HAO1: variants seen among roughly 807,000 people sequenced by gnomAD.
The protein encoded by HAO1 is 2-Hydroxyacid oxidase 1.
A neutral mutation model predicts 39.7 loss-of-function variants in HAO1; 34 were observed. That is an observed-to-expected ratio of 0.86 (90% confidence interval 0.65 to 1.14). HAO1 has a LOEUF of 1.14. Among genes scored for constraint, HAO1 ranks in the 50% most tolerant of loss-of-function variants. The pLI is 0.00. For synonymous variants in HAO1, 172 were observed against 173.2 expected (o/e 0.99, Z 0.05); for missense variants, 479 against 464.5 (o/e 1.03, Z -0.29).
intron 1 of HAO1, among the ~76,000 whole-genome samples, chr20:7,935,911 C>T (rs986608373): frequency 2.0e-5 from 3 of 152,096 alleles, no homozygotes. Context: ...AACCAGCATT[C>T]ACCTAGTATT....
At chr20:7,927,895 C>T (rs1255124141) in intron 2 of HAO1, among the ~76,000 whole-genome samples, 2 of 152,146 alleles carry the variant, frequency 1.3e-5, no homozygotes, top group African/African-American at 2.4e-5. Flanking sequence ...AAGCATTAAC[C>T]TCTCTAAGCC....
chr20:7,938,506 A>C (rs187305887), intron 1 of HAO1, among the ~76,000 whole-genome samples: 2 of 152,260 alleles, frequency 1.3e-5, no homozygotes, highest in East Asian at 3.9e-4. Context: ...TAGGATGGGA[A>C]TACTCACTTG....
rs1333453768 is a variant in HAO1, at chr20:7,883,124, C to T, written c.*469G>A. 1 of 160,640 alleles carries T rather than the reference C, an allele frequency of 6.2e-6. No homozygotes were observed. Among genetic ancestry groups the T allele is most frequent in the African/African-American group, 2.4e-5 (1 of 41,598 alleles). The allele number at this position is 160,640 out of a possible 1,614,324, so 10.0% of individuals were successfully genotyped here. On this transcript the variant is annotated 3_prime_UTR_variant, in exon 8 of 8. Coordinates refer to ENST00000378789, the MANE Select transcript of HAO1 (RefSeq NM_017545.3). ...AATTACCGCCACCCATTCCAATTCTCTCCAGTGCTACCTTCTCAAAGTTGT... is the reference window on the plus strand; with the variant it reads ...AATTACCGCCACCCATTCCAATTCTTTCCAGTGCTACCTTCTCAAAGTTGT...
intron 4 of HAO1, among the ~76,000 whole-genome samples, chr20:7,905,240 A>G (rs1030547278): frequency 2.0e-5 from 3 of 149,220 alleles, no homozygotes; most frequent in African/African-American, 5.2e-5. Flanking sequence ...TAAATGCTGC[A>G]CTGGGCTTAA....
At chr20:7,917,339 CAAAAAAAAAAA>C (rs55848354) in intron 2 of HAO1, among the ~76,000 whole-genome samples, 1 of 62,412 alleles carries the variant, frequency 1.6e-5, no homozygotes, top group African/African-American at 5.8e-5. Context: ...GACTCCCTGT[CAAAAAAAAAAA>C]AAAAAAAAAA....
chr20:7,919,733 G>A (rs2050322559), intron 2 of HAO1, among the ~76,000 whole-genome samples: 1 of 152,258 alleles, frequency 6.6e-6, no homozygotes. Context: ...CAATTGTAAA[G>A]GGTAAGGTGA....
chr20:7,925,830 G>A (rs1024791166), intron 2 of HAO1, among the ~76,000 whole-genome samples: 2 of 152,068 alleles, frequency 1.3e-5, no homozygotes, highest in Non-Finnish European at 2.9e-5. Context: ...GTGCAAAATC[G>A]TAGAAATCAC....
chr20:7,924,223 G>GTTGTTTGT (rs1555774937), intron 2 of HAO1, among the ~76,000 whole-genome samples: 131 of 149,958 alleles, frequency 8.7e-4, no homozygotes, highest in Non-Finnish European at 1.6e-3. Flanking sequence ...TGTTGTTGTT[G>GTTGTTTGT]TTGTTTGTTT....
At chr20:7,929,786 C>A (rs1478091475) in intron 2 of HAO1, among the ~76,000 whole-genome samples, 1 of 152,112 alleles carries the variant, frequency 6.6e-6, no homozygotes, top group East Asian at 1.9e-4. Flanking sequence ...ATCGCTTGAA[C>A]CTGGGAGGCA....
chr20:7,892,851 C>T (rs1330854965), intron 5 of HAO1, among the ~76,000 whole-genome samples: 1 of 151,942 alleles, frequency 6.6e-6, no homozygotes, highest in Non-Finnish European at 1.5e-5. Flanking sequence ...TTATATGATG[C>T]TAGTTACTTT....
chr20:7,934,609 C>T lies in HAO1; in HGVS notation c.164G>A (p.Arg55Gln), dbSNP rs2050401591. The T allele has an allele frequency of 1.9e-6, 3 of 1,609,558 alleles. No homozygotes were observed. Among genetic ancestry groups the T allele is most frequent in the African/African-American group, 2.7e-5 (2 of 74,618 alleles). ...CGACAGATCTGTTTCAGCAACATTC[C>T]GGAGCATCCTTGGATACAGCTTCCA... ...SRWKLYPRML[R>Q]NVAETDLSTS... Residue 55 changes from arginine to glutamine, a missense_variant, in exon 2 of 8, where the codon CGG becomes CAG. By Grantham distance (43) the Arg-to-Gln change is conservative. Transcript: ENST00000378789.
chr20:7,914,390 A>C lies in HAO1; in HGVS notation c.319T>G (p.Leu107Val), dbSNP rs545162774. The change falls in exon 3 of 8, where the codon TTG becomes GTG. Residue 107 changes from leucine (L) to valine (V), a missense_variant. By Grantham distance (32) the Leu-to-Val change is conservative. Coordinates refer to ENST00000378789, the MANE Select transcript of HAO1 (RefSeq NM_017545.3). ...ATTGAGGAGGTGGCCCAGGAACTCA[A>C]CATCATGCCCGTTCCCAGGGACTGA... ...ACQSLGTGMMLSSWATSSIEE... is the reference protein window; with the variant it reads ...ACQSLGTGMMVSSWATSSIEE... 5 of 1,613,914 alleles carry C rather than the reference A, an allele frequency of 3.1e-6. No individual in the cohort carries two copies. The East Asian group carries it at 8.9e-5, about 29-fold the overall frequency.
At chr20:7,912,773 G>C (rs1468716862) in intron 3 of HAO1, among the ~76,000 whole-genome samples, 1 of 152,092 alleles carries the variant, frequency 6.6e-6, no homozygotes, top group Non-Finnish European at 1.5e-5. Context: ...CAGTTTTATT[G>C]GCCAGTTTGG....
Position 7,914,243 on chromosome 20 carries a change from A to C in HAO1, c.466T>G (p.Phe156Val). ...AGGTAAGGTGTGTCCACTGTCACAA[A>C]TATGGCCTTGTAGCCCATCTTCTCT... ...QAEKMGYKAI[F>V]VTVDTPYLGN... Residue 156 changes from phenylalanine to valine, a missense_variant, in exon 3 of 8, where the codon TTT becomes GTT. Transcript: ENST00000378789. 1 of 1,613,986 alleles carries C rather than the reference A, an allele frequency of 6.2e-7. No individual in the cohort carries two copies. Among genetic ancestry groups the C allele is most frequent in the South Asian group, 1.1e-5 (1 of 91,058 alleles).
intron 1 of HAO1, among the ~76,000 whole-genome samples, chr20:7,936,503 C>CGTGTGT (rs71183082): frequency 0.11 from 11,741 of 109,098 alleles, 768 homozygotes; most frequent in Non-Finnish European, 0.12. Context: ...GGGCAGCAGC[C>CGTGTGT]GTGTGTGTGT....
At chr20:7,908,396 A>T (rs2050259347) in intron 3 of HAO1, among the ~76,000 whole-genome samples, 1 of 148,778 alleles carries the variant, frequency 6.7e-6, no homozygotes, top group Non-Finnish European at 1.5e-5. Flanking sequence ...CTCAAAATAA[A>T]AAAAAAAAAA....
At chr20:7,923,298 A>G (rs1009971913) in intron 2 of HAO1, among the ~76,000 whole-genome samples, 3 of 152,190 alleles carry the variant, frequency 2.0e-5, no homozygotes, top group Non-Finnish European at 4.4e-5. Context: ...GGGAAATGCA[A>G]TTGTTCTTCT....
chr20:7,927,028 C>A (rs1038436994), intron 2 of HAO1, among the ~76,000 whole-genome samples: 3 of 151,960 alleles, frequency 2.0e-5, no homozygotes, highest in Non-Finnish European at 4.4e-5. Context: ...AATATTTAAT[C>A]CTTCTTTTCT....
At chr20:7,906,046 T>C in intron 4 of HAO1, 108 bp downstream of exon 4, 2 of 797,630 alleles carry the variant, frequency 2.5e-6, no homozygotes, top group East Asian at 4.9e-5. Flanking sequence ...AATGTCTCTC[T>C]CAATTTCCAT....
Sources: gnomAD v4.1 joint callset for allele counts (sites outside exome capture counted in the v4.1 genomes callset) on GRCh38, gnomAD v4.1.1 for gene constraint, MANE v1.5 for transcripts, NCBI Gene and HGNC (gene_info 2026-07-23, HGNC 2026-07-21) for gene names.